The following NALCN variants were observed in gnomAD, a reference collection of about 807,000 sequenced individuals.
The protein encoded by NALCN is sodium leak channel, non-selective.
NALCN carries 111 observed loss-of-function variants against 225.3 expected under a neutral mutation model. The observed-to-expected ratio is 0.49, with a 90% confidence interval of 0.42 to 0.58. The LOEUF (loss-of-function observed/expected upper bound fraction) is 0.58. NALCN is among the 20% of genes least tolerant of loss of function. The pLI, the probability that NALCN is intolerant of heterozygous loss-of-function variation, is 0.00. For missense variants in NALCN, 1,378 were observed against 2,202.4 expected (o/e 0.63, Z 7.49); for synonymous variants, 764 against 769.0 (o/e 0.99, Z 0.11).
At chr13:101,240,560 T>G (rs2041722468) in intron 11 of NALCN, among the ~76,000 whole-genome samples, 1 of 152,052 alleles carries the variant, frequency 6.6e-6, no homozygotes, top group Non-Finnish European at 1.5e-5. Context: ...ATTTCATTTT[T>G]AAGATTTATT....
At chr13:101,136,558 GGTT>G (rs562939133) in intron 17 of NALCN, among the ~76,000 whole-genome samples, 3 of 150,496 alleles carry the variant, frequency 2.0e-5, no homozygotes, top group African/African-American at 7.3e-5. Context: ...TGCAGTATTT[GGTT>G]TTTTGTCCTT....
intron 7 of NALCN, among the ~76,000 whole-genome samples, chr13:101,334,000 G>C (rs1401609125): frequency 1.3e-5 from 2 of 151,928 alleles, no homozygotes; most frequent in African/African-American, 2.4e-5. Flanking sequence ...TTTTCAAAAG[G>C]CAATCTATCA....
Position 101,055,083 on chromosome 13 carries a change from A to C in NALCN, c.*212T>G. 2 of 556,034 alleles carry C rather than the reference A, an allele frequency of 3.6e-6. No homozygotes were observed. Among genetic ancestry groups the C allele is most frequent in the South Asian group, 5.1e-5 (2 of 39,408 alleles). 34.4% of individuals were successfully genotyped at this position (556,034 alleles called of 1,614,324 possible). On this transcript the variant is annotated 3_prime_UTR_variant, in exon 44 of 44. Coordinates refer to ENST00000251127, the MANE Select transcript of NALCN (RefSeq NM_052867.4). ...CATTTCTAATATTATCAGTACTGTC[A>C]TTATACAAAAATTTTTTTGAGCAAT...
chr13:101,344,081 C>T (rs569041762), intron 7 of NALCN, among the ~76,000 whole-genome samples: 16 of 152,064 alleles, frequency 1.1e-4, no homozygotes, highest in Admixed American at 2.0e-4. Context: ...AAGCTTATTC[C>T]GCACAGCCTA....
chr13:101,244,136 C>G (rs2140171792), intron 11 of NALCN, among the ~76,000 whole-genome samples: 1 of 151,930 alleles, frequency 6.6e-6, no homozygotes, highest in Non-Finnish European at 1.5e-5. Flanking sequence ...TACATCATCT[C>G]TCCCTTCACC....
At chr13:101,113,412 C>A (rs1262457056) in intron 18 of NALCN, among the ~76,000 whole-genome samples, 1 of 152,144 alleles carries the variant, frequency 6.6e-6, no homozygotes, top group African/African-American at 2.4e-5. Context: ...CCTTGTACAG[C>A]CTAAGCCATT....
chr13:101,335,212 A>T (rs1017445166), intron 7 of NALCN, among the ~76,000 whole-genome samples: 7 of 152,202 alleles, frequency 4.6e-5, no homozygotes, highest in Non-Finnish European at 8.8e-5. Context: ...CTTTCAGCAG[A>T]CAATGGACAA....
chr13:101,062,243 C>A (rs1365121119), intron 40 of NALCN, 125 bp from the exon 41 acceptor site: 8 of 1,070,764 alleles, frequency 7.5e-6, no homozygotes, highest in Non-Finnish European at 9.3e-6. Context: ...CGCCACCCCT[C>A]GCCACCCGCA....
chr13:101,141,523 T>C (rs1266634016), intron 17 of NALCN, among the ~76,000 whole-genome samples: 1 of 151,928 alleles, frequency 6.6e-6, no homozygotes, highest in Admixed American at 6.6e-5. Flanking sequence ...AAAATCATCA[T>C]CATTTTCAGC....
At chr13:101,283,271 G>A (rs889288165) in intron 10 of NALCN, among the ~76,000 whole-genome samples, 1 of 152,188 alleles carries the variant, frequency 6.6e-6, no homozygotes, top group Non-Finnish European at 1.5e-5. Context: ...AGGAAGAGAA[G>A]ATGTCAGTAT....
At chr13:101,234,138 C>T (rs2041461411) in intron 12 of NALCN, among the ~76,000 whole-genome samples, 1 of 152,194 alleles carries the variant, frequency 6.6e-6, no homozygotes, top group South Asian at 2.1e-4. Flanking sequence ...ATGCTTTTTA[C>T]CCTGCACACT....
chr13:101,212,357 T>C lies in NALCN; in HGVS notation c.1626+17036A>G, dbSNP rs118091272. On this transcript the variant is annotated intron_variant, in intron 13 of 43. Transcript: ENST00000251127. ...GAATTTTAAAATACTCTCCCAAATG[T>C]CTTTGCTATTACTTTAGAACTGAGT... Among the ~76,000 whole-genome samples, 1,111 of 152,304 alleles carry C rather than the reference T, an allele frequency of 7.3e-3. 10 individuals are homozygous for C. The highest frequency in any genetic ancestry group is 0.029 in the South Asian group (140 of 4,828).
intron 22 of NALCN, 115 bp downstream of exon 22, chr13:101,107,372 C>G (rs932205738): frequency 2.0e-6 from 3 of 1,528,242 alleles, no homozygotes; most frequent in South Asian, 2.4e-5. Flanking sequence ...TTAATTAGTC[C>G]GCAGTTTATT....
chr13:101,076,079 A>G, intron 34 of NALCN, 138 bp from the exon 35 acceptor site: 1 of 577,072 alleles, frequency 1.7e-6, no homozygotes, highest in Non-Finnish European at 2.8e-6. Flanking sequence ...TGATCTAAAA[A>G]AGGTGCTGAA....
chr13:101,332,286 A>G (rs1375783827), intron 7 of NALCN, among the ~76,000 whole-genome samples: 2 of 151,780 alleles, frequency 1.3e-5, no homozygotes, highest in Non-Finnish European at 2.9e-5. Flanking sequence ...AAAAAATAAA[A>G]ATCCATGCCT....
chr13:101,145,630 T>C (rs968636649), intron 15 of NALCN, among the ~76,000 whole-genome samples: 4 of 152,230 alleles, frequency 2.6e-5, no homozygotes, highest in African/African-American at 9.6e-5. Context: ...AGGTGGACTG[T>C]GGCTTCCAGA....
chr13:101,223,005 AT>A (rs1231941513), intron 13 of NALCN, among the ~76,000 whole-genome samples: 1 of 152,096 alleles, frequency 6.6e-6, no homozygotes, highest in African/African-American at 2.4e-5. Flanking sequence ...CATACAACAT[AT>A]CCCCTTCTTT....
chr13:101,247,575 T>C (rs540569322), intron 11 of NALCN, among the ~76,000 whole-genome samples: 17 of 152,344 alleles, frequency 1.1e-4, no homozygotes, highest in African/African-American at 4.1e-4. Context: ...GAATTTACTC[T>C]CAGTAAAATT....
At chr13:101,368,541 T>A (rs1488453660) in intron 6 of NALCN, 1 of 152,148 alleles carries the variant, frequency 6.6e-6, no homozygotes, top group African/African-American at 2.4e-5. Flanking sequence ...AGTTTAAAAA[T>A]TTTCAAATCA....
Sources: allele counts gnomAD v4.1 joint callset (sites outside exome capture counted in the v4.1 genomes callset), GRCh38; gene constraint gnomAD v4.1.1; transcripts MANE v1.5; gene names NCBI Gene and HGNC (gene_info 2026-07-23, HGNC 2026-07-21).